The following STT3B variants were observed in gnomAD, a reference collection of about 807,000 sequenced individuals.
STT3B encodes dolichyl-diphosphooligosaccharide--protein glycosyltransferase subunit STT3B.
Under a neutral mutation model 96.8 loss-of-function variants are expected in STT3B, and 29 were observed. That is an observed-to-expected ratio of 0.30 (90% confidence interval 0.22 to 0.41). The LOEUF is 0.41. Ranked by LOEUF, STT3B falls within the 10% of genes least tolerant of loss-of-function variation. STT3B has a pLI of 1.00. For missense variants in STT3B, 640 were observed against 1,022.3 expected, an observed-to-expected ratio of 0.63 and a Z score of 5.10; for synonymous variants, 367 against 360.0, an observed-to-expected ratio of 1.02 and a Z score of -0.22.
intron 3 of STT3B, among the ~76,000 whole-genome samples, chr3:31,588,643 T>C (rs1698599362): frequency 6.6e-6 from 1 of 152,100 alleles, no homozygotes; most frequent in Non-Finnish European, 1.5e-5. Flanking sequence ...TAGAAAGTGT[T>C]GCACTTTACA....
intron 2 of STT3B, 87 bp from the exon 3 acceptor site, chr3:31,579,722 A>C: frequency 1.0e-6 from 1 of 990,140 alleles, no homozygotes; most frequent in Non-Finnish European, 1.3e-6. Context: ...TGTAAGGTAA[A>C]CAAAATGTAA....
intron 1 of STT3B, among the ~76,000 whole-genome samples, chr3:31,535,129 C>T (rs966113676): frequency 6.6e-6 from 1 of 151,276 alleles, no homozygotes; most frequent in Non-Finnish European, 1.5e-5. Flanking sequence ...GGAAGGCTAA[C>T]GACTGTTTAA....
At chr3:31,539,762 T>C (rs1344792631) in intron 1 of STT3B, among the ~76,000 whole-genome samples, 1 of 152,070 alleles carries the variant, frequency 6.6e-6, no homozygotes, top group Non-Finnish European at 1.5e-5. Flanking sequence ...CTGAAGAGAG[T>C]AGCTGAATGA....
intron 1 of STT3B, among the ~76,000 whole-genome samples, chr3:31,566,840 G>T (rs1698019318): frequency 6.6e-6 from 1 of 152,154 alleles, no homozygotes; most frequent in South Asian, 2.1e-4. Context: ...AGTTCCAAAA[G>T]AGCAGAATTT....
chr3:31,549,011 G>A (rs565568576), intron 1 of STT3B, among the ~76,000 whole-genome samples: 40 of 152,068 alleles, frequency 2.6e-4, no homozygotes, highest in Non-Finnish European at 5.3e-4. Context: ...GGTATTTACC[G>A]TATTTAATTT....
At chr3:31,575,243 A>G (rs1479887384) in intron 1 of STT3B, among the ~76,000 whole-genome samples, 2 of 152,112 alleles carry the variant, frequency 1.3e-5, no homozygotes, top group African/African-American at 2.4e-5. Flanking sequence ...ATTCAAACCT[A>G]TGCAGTATGA....
At chr3:31,631,369 A>C (rs1231435223) in intron 14 of STT3B, among the ~76,000 whole-genome samples, 12 of 152,220 alleles carry the variant, frequency 7.9e-5, no homozygotes, top group Admixed American at 7.9e-4. Flanking sequence ...AAAGAAGCAC[A>C]CTGGCCATAA....
chr3:31,575,673 C>T (rs1046396601), intron 1 of STT3B, among the ~76,000 whole-genome samples: 2 of 151,972 alleles, frequency 1.3e-5, no homozygotes, highest in Non-Finnish European at 2.9e-5. Context: ...AGTGCTTCTA[C>T]CTCAGGCAGA....
At chr3:31,620,052 A>G in intron 9 of STT3B, 1 of 1,128,172 alleles carries the variant, frequency 8.9e-7, no homozygotes, top group South Asian at 1.6e-5. Flanking sequence ...AGGCGGGCGG[A>G]TCACCTGAGG....
chr3:31,557,627 TTTTA>T (rs1321864320), intron 1 of STT3B, among the ~76,000 whole-genome samples: 2 of 152,040 alleles, frequency 1.3e-5, no homozygotes, highest in East Asian at 3.9e-4. Flanking sequence ...ATATTTTTAT[TTTTA>T]TTTGTTTATT....
Position 31,579,798 on chromosome 3 carries a change from T to C in STT3B, c.424-11T>C, listed in dbSNP as rs377031150. 1.0e-5 allele frequency: 16 copies of C among 1,585,048 alleles called. No individual in the cohort carries two copies. The highest frequency in any genetic ancestry group is 1.7e-4 in the Middle Eastern group (1 of 5,916). ...TATATGTAATTAAATTTTCCATTTT[T>C]TTCTTCCTAGGTTTACCCAGGGTTG... On this transcript the variant is annotated splice_polypyrimidine_tract_variant and intron_variant, in intron 2 of 15. Transcript: ENST00000295770.
At chr3:31,571,937 T>G (rs1044602001) in intron 1 of STT3B, among the ~76,000 whole-genome samples, 22 of 142,072 alleles carry the variant, frequency 1.5e-4, no homozygotes, top group African/African-American at 4.3e-4. Context: ...TCATATATAT[T>G]ATATATAATA....
At chr3:31,620,466 A>AAGTT (rs1334123509) in intron 9 of STT3B, among the ~76,000 whole-genome samples, 1 of 152,076 alleles carries the variant, frequency 6.6e-6, no homozygotes, top group Non-Finnish European at 1.5e-5. Context: ...AAGTAGGAAG[A>AAGTT]AGTTTTTAGG....
chr3:31,544,131 G>T (rs1697345881), intron 1 of STT3B, among the ~76,000 whole-genome samples: 1 of 152,160 alleles, frequency 6.6e-6, no homozygotes. Flanking sequence ...TGATGAATTT[G>T]GGTGGGGTTG....
Position 31,620,979 on chromosome 3 carries a change from T to C in STT3B, c.1328-1118T>C, listed in dbSNP as rs566302807. On this transcript the variant is annotated intron_variant, in intron 9 of 15. Coordinates refer to ENST00000295770, the MANE Select transcript of STT3B (RefSeq NM_178862.3). ...GAAGATTTAACTTAAACCTCATGAC[T>C]CAGTAATCCCATTCCTATGTATATA... Among the ~76,000 whole-genome samples, 3 of 152,350 alleles carry C rather than the reference T, an allele frequency of 2.0e-5. No homozygotes were observed. The South Asian group carries it at 6.2e-4, about 32-fold the overall frequency.
rs534767939 is a variant in STT3B, at chr3:31,592,016, T to C, written c.712-4782T>C. Among the ~76,000 whole-genome samples the C allele has an allele frequency of 3.7e-4, 57 of 152,298 alleles. 1 individual carries two copies. The highest frequency in any genetic ancestry group is 1.3e-3 in the African/African-American group (54 of 41,578). The stretch of plus-strand genomic sequence containing the variant: ...TTTTAATCATTAAGTATATACTTTA[T>C]TGGCATTAAGTACATTGATTATGCA... On this transcript the variant is annotated intron_variant, in intron 3 of 15. Transcript: ENST00000295770.
At chr3:31,581,939 T>G (rs1387498492) in intron 3 of STT3B, among the ~76,000 whole-genome samples, 1 of 152,218 alleles carries the variant, frequency 6.6e-6, no homozygotes, top group Non-Finnish European at 1.5e-5. Context: ...GTGTTTCTAT[T>G]AATAGGACTT....
intron 5 of STT3B, among the ~76,000 whole-genome samples, chr3:31,600,958 C>G (rs1273242779): frequency 6.6e-6 from 1 of 151,966 alleles, no homozygotes; most frequent in Non-Finnish European, 1.5e-5. Flanking sequence ...GATGTTTCAC[C>G]TTAGATCTCA....
intron 15 of STT3B, among the ~76,000 whole-genome samples, chr3:31,634,608 T>C (rs1699724839): frequency 6.6e-6 from 1 of 152,126 alleles, no homozygotes; most frequent in Non-Finnish European, 1.5e-5. Flanking sequence ...AGGAGGAGGG[T>C]ATACATAACA....
Sources: allele counts gnomAD v4.1 joint callset (sites outside exome capture counted in the v4.1 genomes callset), GRCh38; gene constraint gnomAD v4.1.1; transcripts MANE v1.5; gene names NCBI Gene and HGNC (gene_info 2026-07-23, HGNC 2026-07-21).